Variants in APBA2 observed in about 807,000 individuals in gnomAD.
APBA2 encodes amyloid-beta A4 precursor protein-binding family A member 2.
A neutral mutation model predicts 75.0 loss-of-function variants in APBA2; 30 were observed. The observed-to-expected ratio is 0.40, with a 90% CI of 0.30 to 0.54. The LOEUF is 0.54. APBA2 is among the 20% of genes least tolerant of loss of function. APBA2 has a pLI of 0.49. For synonymous variants in APBA2, 444 were observed against 409.6 expected, an observed-to-expected ratio of 1.08 and a Z score of -1.01; for missense variants, 801 against 1,016.1, an observed-to-expected ratio of 0.79 and a Z score of 2.88.
intron 4 of APBA2, among the ~76,000 whole-genome samples, chr15:29,070,477 G>A (rs1391089106): frequency 1.3e-5 from 2 of 152,178 alleles, no homozygotes; most frequent in African/African-American, 2.4e-5. Context: ...GCTTTGAAAA[G>A]ATATGATCTC....
chr15:28,969,221 G>A (rs932774081), intron 2 of APBA2, among the ~76,000 whole-genome samples: 7 of 138,592 alleles, frequency 5.1e-5, no homozygotes, highest in African/African-American at 1.8e-4. Context: ...TCTCTCTGCC[G>A]GCCAGGCTGG....
At chr15:29,020,942 C>T (rs537001792) in intron 3 of APBA2, among the ~76,000 whole-genome samples, 7 of 152,024 alleles carry the variant, frequency 4.6e-5, no homozygotes, top group African/African-American at 1.2e-4. Flanking sequence ...TCTGTTACTG[C>T]GGCACGAACC....
chr15:28,969,155 TCTTTCTTTCTTTCTTTCTTTCTTTC>T (rs2036915090), intron 2 of APBA2, among the ~76,000 whole-genome samples: 2 of 77,864 alleles, frequency 2.6e-5, no homozygotes, highest in East Asian at 1.8e-3. Flanking sequence ...TTTCTTTCTT[TCTTTCTTTCTTTCTTTCTTTCTTTC>T]TTTTTTTTAT....
At chr15:29,011,856 T>G (rs139458465) in intron 3 of APBA2, among the ~76,000 whole-genome samples, 1 of 152,378 alleles carries the variant, frequency 6.6e-6, no homozygotes, top group Admixed American at 6.5e-5. Flanking sequence ...CATATAAATT[T>G]AGAATTTATT....
intron 1 of APBA2, chr15:28,919,375 C>T (rs550378096): frequency 2.6e-5 from 4 of 152,386 alleles, no homozygotes; most frequent in African/African-American, 9.6e-5. Context: ...TGAACAACCG[C>T]TGACTTCCTG....
intron 2 of APBA2, among the ~76,000 whole-genome samples, chr15:28,981,181 A>G (rs1449554633): frequency 3.3e-5 from 5 of 152,246 alleles, no homozygotes; most frequent in African/African-American, 1.2e-4. Context: ...GTGGAACCTA[A>G]TTAACTAAAG....
chr15:28,989,629 C>G (rs1462325561), intron 2 of APBA2, among the ~76,000 whole-genome samples: 1 of 152,190 alleles, frequency 6.6e-6, no homozygotes, highest in Non-Finnish European at 1.5e-5. Context: ...CATCCCCGCT[C>G]CAGGGGGTGC....
Position 29,034,372 on chromosome 15 carries a change from C to T in APBA2, c.-40-19473C>T, listed in dbSNP as rs192787441. ...TTTGCATAAACTTTGGAACGCACCA[C>T]GAATAACAAGGACACTCCTATCACT... On this transcript the variant is annotated intron_variant, in intron 3 of 14. Coordinates refer to ENST00000683413, the MANE Select transcript of APBA2 (RefSeq NM_001353788.2). Among the ~76,000 whole-genome samples, 98 of 152,298 alleles carry T rather than the reference C, an allele frequency of 6.4e-4. 1 individual carries two copies. The highest frequency in any genetic ancestry group is 1.2e-3 in the Non-Finnish European group (81 of 68,028).
chr15:29,054,371 G>A lies in APBA2; in HGVS notation c.487G>A (p.Gly163Ser), dbSNP rs773558118. The change falls in exon 4 of 15, where the codon GGC (glycine) becomes AGC (serine). Residue 163 changes from glycine to serine, a missense_variant. Physicochemically the swap from Gly to Ser is moderately conservative, Grantham distance 56. Coordinates refer to ENST00000683413, the MANE Select transcript of APBA2 (RefSeq NM_001353788.2). This position sits in a 1 kb window ranked among gnomAD's most constrained non-coding sequence, Gnocchi z 6.1. ...TGAAGGCAGCCAGGACTACCCAGAC[G>A]GCCAACTGCCCATTCCGGAGGATGA... ...EAEGSQDYPDGQLPIPEDEPS... is the reference protein window; with the variant it reads ...EAEGSQDYPDSQLPIPEDEPS... The A allele has an allele frequency of 3.7e-5, 60 of 1,613,972 alleles. No individual in the cohort carries two copies. The highest frequency in any genetic ancestry group is 6.7e-5 in the African/African-American group (5 of 74,924).
At chr15:29,107,999 G>A in intron 12 of APBA2, among the ~76,000 whole-genome samples, 1 of 152,184 alleles carries the variant, frequency 6.6e-6, no homozygotes, top group Non-Finnish European at 1.5e-5. Context: ...CGCTCCTGCA[G>A]TGGCTAATCT....
intron 1 of APBA2, chr15:28,919,583 C>A (rs74006738): frequency 0.017 from 2,562 of 152,754 alleles, 76 homozygotes; most frequent in African/African-American, 0.059. Flanking sequence ...AGGGCTGGTT[C>A]TTCCCAGAGG....
At chr15:28,982,027 G>T (rs1242401908) in intron 2 of APBA2, among the ~76,000 whole-genome samples, 1 of 152,196 alleles carries the variant, frequency 6.6e-6, no homozygotes, top group Non-Finnish European at 1.5e-5. Context: ...CGGGGCAAGG[G>T]TTGAAAACTA....
chr15:29,010,239 T>A (rs141717104), intron 3 of APBA2, among the ~76,000 whole-genome samples: 1 of 152,304 alleles, frequency 6.6e-6, no homozygotes, highest in East Asian at 1.9e-4. Flanking sequence ...TTGCATTTTC[T>A]TTCTTAGTGC....
At chr15:29,072,481 TCCTTG>T (rs1191649540) in intron 4 of APBA2, among the ~76,000 whole-genome samples, 1 of 152,168 alleles carries the variant, frequency 6.6e-6, no homozygotes, top group African/African-American at 2.4e-5. Context: ...TGCTTGGTGT[TCCTTG>T]GCCATAGCAG....
intron 6 of APBA2, among the ~76,000 whole-genome samples, chr15:29,081,104 G>A (rs1197302393): frequency 6.6e-6 from 1 of 152,176 alleles, no homozygotes; most frequent in African/African-American, 2.4e-5. Context: ...CTTCTCTCAG[G>A]GGTCCTCACA....
At chr15:29,093,268 G>A in intron 7 of APBA2, 48 bp downstream of exon 7, 2 of 1,608,724 alleles carry the variant, frequency 1.2e-6, no homozygotes, top group Non-Finnish European at 8.5e-7. Flanking sequence ...CACTTTGGGG[G>A]GCACTAGCAG....
chr15:29,076,078 A>G lies in APBA2; in HGVS notation c.1056A>G (p.Pro352=). 1 of 1,614,130 alleles carries G rather than the reference A, an allele frequency of 6.2e-7. No homozygotes were observed. The highest frequency in any genetic ancestry group is 8.5e-7 in the Non-Finnish European group (1 of 1,180,000). ...AGACAAAGAAGGTGGCATCATTTCC[A>G]AGTTTTGTGGCTGGTAAGTGACTTT... ...IPETKKVASF[P]SFVAVPGPCE... is the part of the protein sequence containing the mutation. Residue 352 remains proline, a synonymous_variant, in exon 6 of 15, where the codon CCA becomes CCG. Transcript: ENST00000683413.
At chr15:28,984,359 G>A (rs1034928882) in intron 2 of APBA2, among the ~76,000 whole-genome samples, 1 of 152,062 alleles carries the variant, frequency 6.6e-6, no homozygotes, top group African/African-American at 2.4e-5. Flanking sequence ...CCATGACATA[G>A]GCTTATAGGG....
intron 4 of APBA2, among the ~76,000 whole-genome samples, chr15:29,069,854 T>A (rs890658311): frequency 3.9e-5 from 6 of 152,248 alleles, no homozygotes; most frequent in African/African-American, 1.4e-4. Context: ...CAAGTTTAGA[T>A]AAATATGATT....
Sources: allele counts gnomAD v4.1 joint callset (sites outside exome capture counted in the v4.1 genomes callset), GRCh38; gene constraint gnomAD v4.1.1; non-coding constraint Gnocchi (gnomAD v3.1); transcripts MANE v1.5; gene names NCBI Gene and HGNC (gene_info 2026-07-23, HGNC 2026-07-21).